The following NRCAM variants were observed in gnomAD, a reference collection of about 807,000 sequenced individuals.
NRCAM encodes the protein neuronal cell adhesion molecule, also known as NgCAM-related cell adhesion molecule.
Under a neutral mutation model 156.5 loss-of-function variants are expected in NRCAM, and 83 were observed. The ratio of observed to expected loss-of-function variants is 0.53; its 90% CI spans 0.44 to 0.64. The LOEUF is 0.64. Ranked by LOEUF, NRCAM falls within the 30% of genes least tolerant of loss-of-function variation. The probability of loss-of-function intolerance (pLI) is 0.00; values close to 1 mark genes in which losing one functional copy is unlikely to be tolerated. For missense variants in NRCAM, 1,417 were observed against 1,597.3 expected (o/e 0.89, Z 1.92); for synonymous variants, 538 against 563.9 (o/e 0.95, Z 0.65).
chr7:108,354,398 T>C (rs1181276628), intron 2 of NRCAM, among the ~76,000 whole-genome samples: 1 of 152,166 alleles, frequency 6.6e-6, no homozygotes, highest in African/African-American at 2.4e-5. Flanking sequence ...AGGAAAAGGA[T>C]GCCCATTATC....
chr7:108,194,905 T>C (rs1238422600), intron 15 of NRCAM, among the ~76,000 whole-genome samples: 2 of 152,140 alleles, frequency 1.3e-5, no homozygotes, highest in Non-Finnish European at 2.9e-5. Flanking sequence ...GTAAACAAGC[T>C]AGGAGGAGGT....
At chr7:108,156,721 A>G (rs890690662) in intron 32 of NRCAM, 4 of 152,176 alleles carry the variant, frequency 2.6e-5, no homozygotes, top group African/African-American at 9.6e-5. Flanking sequence ...GTGTCTGGTC[A>G]GCATAATAAT....
At chr7:108,208,354 T>C (rs2082283070) in intron 12 of NRCAM, among the ~76,000 whole-genome samples, 1 of 152,074 alleles carries the variant, frequency 6.6e-6, no homozygotes, top group Non-Finnish European at 1.5e-5. Context: ...GTAGAATATA[T>C]ATAATTAGGA....
At chr7:108,313,518 A>G (rs2098833535) in intron 2 of NRCAM, among the ~76,000 whole-genome samples, 1 of 152,124 alleles carries the variant, frequency 6.6e-6, no homozygotes, top group African/African-American at 2.4e-5. Flanking sequence ...CAATTCAGGA[A>G]CTCTGGACTG....
chr7:108,416,924 A>G (rs1411332745), intron 1 of NRCAM, among the ~76,000 whole-genome samples: 1 of 152,226 alleles, frequency 6.6e-6, no homozygotes, highest in Non-Finnish European at 1.5e-5. Flanking sequence ...CCCATTTCAG[A>G]TCCATGCTGT....
chr7:108,240,356 C>T (rs771210399), intron 3 of NRCAM, among the ~76,000 whole-genome samples, 186 bp from the exon 4 acceptor site: 1 of 152,136 alleles, frequency 6.6e-6, no homozygotes, highest in Admixed American at 6.5e-5. Context: ...AAAATCAGTT[C>T]AGAGATATTA....
intron 1 of NRCAM, among the ~76,000 whole-genome samples, chr7:108,420,728 T>G (rs1808445810): frequency 6.6e-6 from 1 of 152,250 alleles, no homozygotes; most frequent in Admixed American, 6.5e-5. Context: ...TAGGCTTTAC[T>G]GAATCTCCCA....
rs1334000460 is a variant in NRCAM at position 108,349,273 on chromosome 7, CT to C, written c.-173-36543del. Among the ~76,000 whole-genome samples the C allele has an allele frequency of 8.1e-3, 1,169 of 144,114 alleles. 11 individuals carry two copies. Among genetic ancestry groups the C allele is most frequent in the African/African-American group, 0.024 (952 of 39,630 alleles). 94.5% of individuals were successfully genotyped at this position (144,114 alleles called of 152,430 possible). A position where few individuals can be genotyped will look rare whatever the true frequency, so the allele number is the denominator to read the frequency against. On this transcript the variant is annotated intron_variant, in intron 2 of 32. Transcript: ENST00000379028. Reference sequence around the variant, plus strand: ...CTTTAAATTTGTGTAGTTATGAACTCTTTTTTTTTTTTTGAGACGGAGTCTC... The same window carrying C: ...CTTTAAATTTGTGTAGTTATGAACTCTTTTTTTTTTTTGAGACGGAGTCTC...
chr7:108,166,604 G>C lies in NRCAM; in HGVS notation c.3466+317C>G, dbSNP rs900486158. 2.6e-5 allele frequency among the ~76,000 whole-genome samples: 4 copies of C among 152,086 alleles called. No individual in the cohort carries two copies. In the South Asian group the frequency reaches 6.2e-4, roughly 24 times the overall value. The stretch of plus-strand genomic sequence containing the variant: ...CTTCAAAAGCACTTAAAAAATTTCA[G>C]TTTAACACTGAGGGAAAGTTTATAC... On this transcript the variant is annotated intron_variant, in intron 30 of 32. Coordinates refer to ENST00000379028, the MANE Select transcript of NRCAM (RefSeq NM_001037132.4).
chr7:108,256,643 C>A (rs1484446995), intron 3 of NRCAM, among the ~76,000 whole-genome samples: 1 of 151,784 alleles, frequency 6.6e-6, no homozygotes, highest in African/African-American at 2.4e-5. Context: ...CAAACAACAA[C>A]AAAAAAAACA....
chr7:108,377,587 T>C (rs541911481), intron 2 of NRCAM, among the ~76,000 whole-genome samples: 8 of 152,068 alleles, frequency 5.3e-5, no homozygotes, highest in Non-Finnish European at 8.8e-5. Context: ...TGAGACACAA[T>C]AGGCTGGAAA....
intron 3 of NRCAM, among the ~76,000 whole-genome samples, chr7:108,256,273 G>A (rs1298428752): frequency 2.4e-4 from 36 of 151,254 alleles, no homozygotes; most frequent in Admixed American, 1.6e-3. Context: ...ATTTTGTTCT[G>A]TACTAAGAAA....
chr7:108,388,150 G>A (rs2099747445), intron 2 of NRCAM, among the ~76,000 whole-genome samples: 1 of 152,166 alleles, frequency 6.6e-6, no homozygotes, highest in Admixed American at 6.5e-5. Flanking sequence ...TTCCACAATG[G>A]TTGAACTAGT....
At chr7:108,162,871 A>G (rs2050121260) in intron 30 of NRCAM, among the ~76,000 whole-genome samples, 1 of 152,258 alleles carries the variant, frequency 6.6e-6, no homozygotes, top group Non-Finnish European at 1.5e-5. Flanking sequence ...AAAAATTTCT[A>G]TTGACTTTCC....
chr7:108,176,658 A>G (rs759457689), intron 26 of NRCAM, 52 bp from the exon 27 acceptor site: 35 of 1,332,694 alleles, frequency 2.6e-5, no homozygotes, highest in Non-Finnish European at 3.7e-5. Context: ...TGCTATAGGA[A>G]TACTATTATA....
At chr7:108,295,229 C>T (rs903680668) in intron 3 of NRCAM, among the ~76,000 whole-genome samples, 2 of 152,156 alleles carry the variant, frequency 1.3e-5, no homozygotes, top group Non-Finnish European at 2.9e-5. Context: ...GTACTAGGCA[C>T]TTTTCATATG....
intron 1 of NRCAM, among the ~76,000 whole-genome samples, chr7:108,407,618 C>G (rs565832084): frequency 4.1e-4 from 62 of 152,330 alleles, no homozygotes; most frequent in African/African-American, 1.5e-3. Context: ...TGTAGTTTGA[C>G]AGTGAGCAGT....
intron 2 of NRCAM, among the ~76,000 whole-genome samples, chr7:108,361,042 CAGAA>C (rs1017941256): frequency 1.3e-4 from 20 of 151,920 alleles, no homozygotes; most frequent in African/African-American, 4.8e-4. Flanking sequence ...AGACAGTGCA[CAGAA>C]AGAGAGAAAA....
intron 17 of NRCAM, among the ~76,000 whole-genome samples, chr7:108,192,405 C>T (rs1294422425): frequency 6.6e-6 from 1 of 151,934 alleles, no homozygotes; most frequent in East Asian, 1.9e-4. Context: ...TATGTATATA[C>T]ATATTACAAC....
Sources: gnomAD v4.1 joint callset for allele counts (sites outside exome capture counted in the v4.1 genomes callset) on GRCh38, gnomAD v4.1.1 for gene constraint, MANE v1.5 for transcripts, NCBI Gene and HGNC (gene_info 2026-07-23, HGNC 2026-07-21) for gene names.